Variants in SNX1 observed in about 807,000 individuals in gnomAD.
SNX1 encodes the protein sorting nexin 1.
Under a neutral mutation model 71.8 loss-of-function variants are expected in SNX1, and 36 were observed. The ratio of observed to expected loss-of-function variants is 0.50; its 90% CI spans 0.38 to 0.66. SNX1 has a LOEUF of 0.66. Ranked by LOEUF, SNX1 falls within the 30% of genes least tolerant of loss-of-function variation. The pLI is 0.00. For synonymous variants in SNX1, 254 were observed against 240.7 expected (o/e 1.06, Z -0.51); for missense variants, 612 against 646.7 (o/e 0.95, Z 0.58).
rs1247512542 is a variant in SNX1, at chr15:64,142,630, G to C, written c.*5012G>C. 1 of 455,898 alleles carries C rather than the reference G, an allele frequency of 2.2e-6. No individual in the cohort carries two copies. 28.2% of individuals were successfully genotyped at this position (455,898 alleles called of 1,614,324 possible). A position where few individuals can be genotyped will look rare whatever the true frequency, so the allele number is the denominator to read the frequency against. ...TGATAATTAAAATTTTCTGAGATAG[G>C]AATGTCATATTTACCTATTTAAGCC... On this transcript the variant is annotated 3_prime_UTR_variant, in exon 15 of 15. Coordinates refer to ENST00000559844, the MANE Select transcript of SNX1 (RefSeq NM_003099.5).
chr15:64,127,376 C>T, intron 7 of SNX1, 124 bp downstream of exon 7: 1 of 725,612 alleles, frequency 1.4e-6, no homozygotes. Context: ...AAGTTGCACA[C>T]CTCCATATTA....
In SNX1 at chr15:64,141,521, G is replaced by C. The variant is rs1446399549; in HGVS notation, c.*3903G>C. Reference sequence around the variant, plus strand: ...GGAGGGAGGACTTTGTGGAGAACCTGATGCTTGAACTGAGTCTAAAAGGTG... The same window carrying C: ...GGAGGGAGGACTTTGTGGAGAACCTCATGCTTGAACTGAGTCTAAAAGGTG... On this transcript the variant is annotated 3_prime_UTR_variant, in exon 15 of 15. Transcript: ENST00000559844. This position sits in a 1 kb window ranked among gnomAD's most constrained non-coding sequence, Gnocchi z 5.1. 6.6e-6 allele frequency: 1 copy of C among 152,308 alleles called. No individual in the cohort carries two copies. Among genetic ancestry groups the C allele is most frequent in the African/African-American group, 2.4e-5 (1 of 41,450 alleles). 9.4% of individuals were successfully genotyped at this position (152,308 alleles called of 1,614,324 possible). A position where few individuals can be genotyped will look rare whatever the true frequency, so the allele number is the denominator to read the frequency against.
chr15:64,109,165 G>GT (rs146657959), intron 1 of SNX1, among the ~76,000 whole-genome samples: 1,732 of 152,184 alleles, frequency 0.011, 30 homozygotes, highest in African/African-American at 0.04. Flanking sequence ...GAGGTTAGGA[G>GT]TTTCAGGCCA....
At chr15:64,118,722 T>C (rs2081159214) in intron 3 of SNX1, 66 bp from the exon 4 acceptor site, 2 of 1,225,340 alleles carry the variant, frequency 1.6e-6, no homozygotes, top group East Asian at 4.7e-5. Context: ...ATAAGGTTAT[T>C]ACAGGGTAAA....
At chr15:64,123,786 T>G (rs2081219686) in intron 5 of SNX1, among the ~76,000 whole-genome samples, 1 of 152,202 alleles carries the variant, frequency 6.6e-6, no homozygotes, top group African/African-American at 2.4e-5. Flanking sequence ...TCGTGGTATA[T>G]CTGATACAGC....
At chr15:64,136,291 A>G (rs1465764510) in intron 12 of SNX1, 39 bp from the exon 13 acceptor site, 3 of 1,505,014 alleles carry the variant, frequency 2.0e-6, no homozygotes, top group South Asian at 1.1e-5. Context: ...TAATGGTGCC[A>G]TAATATGAGG....
chr15:64,132,350 C>T (rs758166333), intron 11 of SNX1: 1 of 189,410 alleles, frequency 5.3e-6, no homozygotes. Context: ...TATGGGCAGT[C>T]AGGTAACTAC....
rs969046333 is a variant in SNX1 at position 64,134,991 on chromosome 15, T to G, written c.1365+184T>G. ...CCTTCCTGAGGCCTAGTCCCCCTGTTCTTTTTCTACTCTACGCAGACTTGT... is the reference window on the plus strand; with the variant it reads ...CCTTCCTGAGGCCTAGTCCCCCTGTGCTTTTTCTACTCTACGCAGACTTGT... On this transcript the variant is annotated intron_variant, in intron 12 of 14. Transcript: ENST00000559844. The surrounding 1 kb of genome is among the most constrained non-coding windows in gnomAD (Gnocchi z 4.1). 7 of 696,220 alleles carry G rather than the reference T, an allele frequency of 1.0e-5. No homozygotes were observed. The highest frequency in any genetic ancestry group is 1.6e-5 in the Non-Finnish European group (7 of 430,210). 43.1% of individuals were successfully genotyped at this position (696,220 alleles called of 1,614,324 possible).
intron 11 of SNX1, among the ~76,000 whole-genome samples, chr15:64,132,753 C>T (rs181791866): frequency 8.1e-4 from 124 of 152,300 alleles, no homozygotes; most frequent in Non-Finnish European, 1.5e-3. Context: ...GGAGCTTGTG[C>T]GTTGTGTCAG....
chr15:64,123,519 A>C lies in SNX1; in HGVS notation c.483A>C (p.Ala161=), dbSNP rs1258929147. Residue 161 remains alanine (A), a synonymous_variant, in exon 5 of 15, where the codon GCA becomes GCC. Coordinates refer to ENST00000559844, the MANE Select transcript of SNX1 (RefSeq NM_003099.5). The part of the protein sequence containing the change: ...DPEKIGDGMN[A]YVAYKVTTQT... Reference sequence around the variant, plus strand: ...CTCTCACAGGGGATGGTATGAATGCATATGTAGCCTACAAAGTTACAACAC... The same window carrying C: ...CTCTCACAGGGGATGGTATGAATGCCTATGTAGCCTACAAAGTTACAACAC... 4 of 1,613,900 alleles carry C rather than the reference A, an allele frequency of 2.5e-6. No individual in the cohort carries two copies. The highest frequency in any genetic ancestry group is 1.3e-5 in the African/African-American group (1 of 74,932).
intron 1 of SNX1, among the ~76,000 whole-genome samples, chr15:64,100,377 G>A (rs142839941): frequency 2.1e-4 from 32 of 152,136 alleles, no homozygotes; most frequent in Middle Eastern, 6.8e-3. Context: ...CGAGGCGGGC[G>A]TATCACAAGG....
chr15:64,115,996 G>A (rs1176441216), intron 2 of SNX1, among the ~76,000 whole-genome samples: 1 of 152,118 alleles, frequency 6.6e-6, no homozygotes, highest in African/African-American at 2.4e-5. Flanking sequence ...GTTAGTCCTC[G>A]AACAATGCAG....
chr15:64,132,181 C>A (rs879812240), intron 11 of SNX1, among the ~76,000 whole-genome samples: 1 of 152,208 alleles, frequency 6.6e-6, no homozygotes, highest in Non-Finnish European at 1.5e-5. Context: ...CAGACAGTGT[C>A]TTCTGTGGTC....
At chr15:64,105,439 CATAA>C (rs560282357) in intron 1 of SNX1, among the ~76,000 whole-genome samples, 15 of 152,274 alleles carry the variant, frequency 9.9e-5, no homozygotes, top group Non-Finnish European at 2.2e-4. Flanking sequence ...TAACTTTTGA[CATAA>C]ATAAATCATG....
chr15:64,116,645 A>C (rs2081132063), intron 2 of SNX1, among the ~76,000 whole-genome samples: 2 of 152,214 alleles, frequency 1.3e-5, no homozygotes, highest in Non-Finnish European at 2.9e-5. Context: ...TGTATTTCCT[A>C]AGATTAAGAT....
rs966551206 is a variant in SNX1, at chr15:64,138,398, C to G, written c.*780C>G. 6 of 526,774 alleles carry G rather than the reference C, an allele frequency of 1.1e-5. No individual in the cohort carries two copies. The highest frequency in any genetic ancestry group is 2.0e-5 in the Non-Finnish European group (6 of 307,524). The allele number at this position is 526,774 out of a possible 1,614,324, so 32.6% of individuals were successfully genotyped here. On this transcript the variant is annotated 3_prime_UTR_variant, in exon 15 of 15. Coordinates refer to ENST00000559844, the MANE Select transcript of SNX1 (RefSeq NM_003099.5). ...CTTTTATTCTTCCTGCTTCCCTAAG[C>G]TGCTCAGGGTTCTCTGAGTCTTGCC...
Position 64,113,206 on chromosome 15 carries a change from A to G in SNX1, c.271+522A>G, listed in dbSNP as rs138650512. On this transcript the variant is annotated intron_variant, in intron 2 of 14. Transcript: ENST00000559844. ...ATTGAATTGATTTCACAATCCACCA[A>G]CAAGCTGTAACCTCCAGTTTGAAAA... 3.0e-4 allele frequency among the ~76,000 whole-genome samples: 46 copies of G among 152,374 alleles called. No homozygotes were observed. In the East Asian group the frequency reaches 8.7e-3, roughly 29 times the overall value.
Position 64,138,378 on chromosome 15 carries a change from A to C in SNX1, c.*760A>C. 1 of 502,522 alleles carries C rather than the reference A, an allele frequency of 2.0e-6. No individual in the cohort carries two copies. The highest frequency in any genetic ancestry group is 3.2e-6 in the Non-Finnish European group (1 of 310,754). The allele number at this position is 502,522 out of a possible 1,614,324, so 31.1% of individuals were successfully genotyped here. A position where few individuals can be genotyped will look rare whatever the true frequency, so the allele number is the denominator to read the frequency against. ...CATTAAGCAAGAGCCTTTCTCTTTT[A>C]TTCTTCCTGCTTCCCTAAGCTGCTC... On this transcript the variant is annotated 3_prime_UTR_variant, in exon 15 of 15. Coordinates refer to ENST00000559844, the MANE Select transcript of SNX1 (RefSeq NM_003099.5).
Position 64,126,190 on chromosome 15 carries a change from G to A in SNX1, c.622G>A (p.Val208Ile). The A allele has an allele frequency of 1.2e-6, 2 of 1,614,038 alleles. No homozygotes were observed. The highest frequency in any genetic ancestry group is 1.7e-6 in the Non-Finnish European group (2 of 1,180,002). ...SEKHSQNGFI[V>I]PPPPEKSLIG... The stretch of plus-strand genomic sequence containing the variant: ...GAAGCACTCTCAGAATGGCTTCATT[G>A]TCCCTCCGCCCCCGGAGAAGAGCCT... Residue 208 changes from valine to isoleucine, a missense_variant, in exon 6 of 15, where the codon GTC (valine) becomes ATC (isoleucine). Physicochemically the swap from Val to Ile is conservative, Grantham distance 29. This residue lies in a region of SNX1 where 316 missense variants were observed against 284.9 expected (regional missense o/e 1.11). Transcript: ENST00000559844.
Sources: gnomAD v4.1 joint callset for allele counts (sites outside exome capture counted in the v4.1 genomes callset) on GRCh38, gnomAD v4.1.1 for gene constraint, gnomAD v4.1.1 regional missense constraint, Gnocchi (gnomAD v3.1) non-coding constraint, MANE v1.5 for transcripts, NCBI Gene and HGNC (gene_info 2026-07-23, HGNC 2026-07-21) for gene names.